RMDN1: variants seen among roughly 807,000 people sequenced by gnomAD.
RMDN1 encodes the protein regulator of microtubule dynamics 1.
Under a neutral mutation model 48.9 loss-of-function variants are expected in RMDN1, and 48 were observed. The observed-to-expected ratio is 0.98, with a 90% CI of 0.78 to 1.25. RMDN1 has a LOEUF of 1.25. Ranked by LOEUF, RMDN1 falls within the 50% of genes most tolerant of loss-of-function variation. The pLI is 0.00. For missense variants in RMDN1, 418 were observed against 373.4 expected (o/e 1.12, Z -0.98); for synonymous variants, 148 against 132.6 (o/e 1.12, Z -0.80).
At chr8:86,481,943 T>C (rs1390301308) in intron 5 of RMDN1, 6 of 827,800 alleles carry the variant, frequency 7.2e-6, no homozygotes, top group Admixed American at 2.1e-5. Context: ...TCTCTAGTAT[T>C]TGCTTGTCAT....
chr8:86,476,009 T>A (rs1813313284), intron 8 of RMDN1, among the ~76,000 whole-genome samples: 1 of 152,080 alleles, frequency 6.6e-6, no homozygotes, highest in Non-Finnish European at 1.5e-5. Context: ...TATTGAGTGA[T>A]AAGTATCACT....
chr8:86,508,570 G>T lies in RMDN1; in HGVS notation c.51C>A (p.Ala17=), dbSNP rs1343229388. 6.2e-7 allele frequency: 1 copy of T among 1,602,462 alleles called. No homozygotes were observed. The highest frequency in any genetic ancestry group is 8.5e-7 in the Non-Finnish European group (1 of 1,176,164). Residue 17 remains alanine (A), a synonymous_variant, in exon 1 of 10, where the codon GCC becomes GCA. Transcript: ENST00000406452. ...CCGCAGGGAGACGAGACCCCGGGGC[G>T]GCTCCACGTCGGAAAGGCAGAAGGC... ...LWRLLPFRRG[A]APGSRLPAGT...
intron 8 of RMDN1, among the ~76,000 whole-genome samples, chr8:86,475,879 C>A (rs969746195): frequency 6.6e-6 from 1 of 152,136 alleles, no homozygotes; most frequent in Non-Finnish European, 1.5e-5. Flanking sequence ...TCTATTTACT[C>A]AGTCATTCAA....
At chr8:86,497,185 G>A (rs1457323301) in intron 2 of RMDN1, among the ~76,000 whole-genome samples, 4 of 152,220 alleles carry the variant, frequency 2.6e-5, no homozygotes, top group African/African-American at 9.6e-5. Flanking sequence ...GTATCAAGAA[G>A]TTAGAAAGAT....
rs758389019 is a variant in RMDN1 at position 86,488,550 on chromosome 8, A to AC, written c.335+1dup. ...AGCCTAGGCCTATCCTACATTGCTT[A>AC]CCTTTCCTTGTATTGGGTTAGCAAC... On this transcript the variant is annotated splice_donor_variant, in intron 3 of 9. Coordinates refer to ENST00000406452, the MANE Select transcript of RMDN1 (RefSeq NM_016033.3). LOFTEE classifies it high-confidence loss of function. The AC allele has an allele frequency of 6.2e-7, 1 of 1,601,756 alleles. No individual in the cohort carries two copies. The highest frequency in any genetic ancestry group is 1.3e-5 in the African/African-American group (1 of 74,530).
At chr8:86,500,568 G>C (rs1818041442) in intron 2 of RMDN1, among the ~76,000 whole-genome samples, 1 of 150,924 alleles carries the variant, frequency 6.6e-6, no homozygotes, top group Admixed American at 6.6e-5. Context: ...GTGGAGAAAA[G>C]GGAATACTTA....
chr8:86,486,266 T>C (rs2130830238), intron 4 of RMDN1, among the ~76,000 whole-genome samples: 1 of 152,224 alleles, frequency 6.6e-6, no homozygotes, highest in Middle Eastern at 3.4e-3. Flanking sequence ...GACCAAATGT[T>C]TACAAAAACA....
At chr8:86,486,741 G>A in intron 3 of RMDN1, 98 bp from the exon 4 acceptor site, 1 of 843,356 alleles carries the variant, frequency 1.2e-6, no homozygotes, top group Admixed American at 3.5e-5. Flanking sequence ...TTTCAGCTTA[G>A]GAAGCTAGCA....
chr8:86,485,134 G>C (rs1815248356), intron 4 of RMDN1, among the ~76,000 whole-genome samples, 173 bp from the exon 5 acceptor site: 1 of 152,152 alleles, frequency 6.6e-6, no homozygotes, highest in Non-Finnish European at 1.5e-5. Flanking sequence ...TGGCCCTCTA[G>C]AAACTCAGGA....
intron 6 of RMDN1, among the ~76,000 whole-genome samples, 197 bp downstream of exon 6, chr8:86,480,080 T>A (rs544302024): frequency 6.6e-6 from 1 of 152,210 alleles, no homozygotes; most frequent in Middle Eastern, 3.4e-3. Context: ...ATAACAATGT[T>A]TAACATGGTC....
At chr8:86,509,236 G>A (rs1363751510), upstream of RMDN1, among the ~76,000 whole-genome samples, 1 of 152,150 alleles carries the variant, frequency 6.6e-6, no homozygotes, top group Admixed American at 6.5e-5. Context: ...GCGGGAGGAG[G>A]CCTCTGGAAA....
At chr8:86,503,906 T>C in intron 2 of RMDN1, 1 of 701,862 alleles carries the variant, frequency 1.4e-6, no homozygotes, top group Non-Finnish European at 2.7e-6. Context: ...CTTATGGGAT[T>C]GTGTAAAGCA....
downstream of RMDN1, chr8:86,470,255 T>A: frequency 7.8e-7 from 1 of 1,289,318 alleles, no homozygotes; most frequent in Admixed American, 2.3e-5. Flanking sequence ...AGCATCTCAA[T>A]CCAGCAGTCA....
intron 2 of RMDN1, among the ~76,000 whole-genome samples, chr8:86,490,217 T>C (rs915236113): frequency 6.6e-6 from 1 of 152,218 alleles, no homozygotes; most frequent in Admixed American, 6.5e-5. Flanking sequence ...GGTAGAATAA[T>C]GGCCCCCAAA....
rs1280851609 is a variant in RMDN1, at chr8:86,486,483, C to T, written c.495+1G>A. ...GTTAATAGCTTAGTTAAGCAACTCA[C>T]CTTATGAGATGCAAAACTTGATTCA... is the stretch of plus-strand genomic sequence containing the variant. On this transcript the variant is annotated splice_donor_variant, in intron 4 of 9. Coordinates refer to ENST00000406452, the MANE Select transcript of RMDN1 (RefSeq NM_016033.3). LOFTEE classifies it high-confidence loss of function. 2 of 1,594,504 alleles carry T rather than the reference C, an allele frequency of 1.3e-6. No individual in the cohort carries two copies. The highest frequency in any genetic ancestry group is 1.7e-4 in the Middle Eastern group (1 of 5,978).
chr8:86,498,481 C>CAGGTG (rs1170929329), intron 2 of RMDN1, among the ~76,000 whole-genome samples: 1 of 151,928 alleles, frequency 6.6e-6, no homozygotes, highest in Non-Finnish European at 1.5e-5. Context: ...GTCATTAACT[C>CAGGTG]AGGTGAAGGC....
chr8:86,500,222 T>C (rs1817984685), intron 2 of RMDN1, among the ~76,000 whole-genome samples: 1 of 152,058 alleles, frequency 6.6e-6, no homozygotes, highest in South Asian at 2.1e-4. Context: ...AAAGAAACTA[T>C]CGACAGGTTT....
chr8:86,513,328 T>G (rs1820146484), upstream of RMDN1, among the ~76,000 whole-genome samples: 1 of 152,188 alleles, frequency 6.6e-6, no homozygotes, highest in Non-Finnish European at 1.5e-5. Context: ...TGAGCTGAGA[T>G]CGCGCCATTG....
chr8:86,499,421 T>C (rs549099143), intron 2 of RMDN1, among the ~76,000 whole-genome samples: 20 of 152,008 alleles, frequency 1.3e-4, no homozygotes, highest in Middle Eastern at 3.4e-3. Flanking sequence ...TATACACCAA[T>C]AACACCCAAG....
Sources: allele counts gnomAD v4.1 joint callset (sites outside exome capture counted in the v4.1 genomes callset), GRCh38; gene constraint gnomAD v4.1.1; transcripts MANE v1.5; gene names NCBI Gene and HGNC (gene_info 2026-07-23, HGNC 2026-07-21).